GRIK1: variants seen among roughly 807,000 people sequenced by gnomAD.
GRIK1 encodes glutamate ionotropic receptor kainate type subunit 1.
In GRIK1, 69 loss-of-function variants were observed where a neutral mutation model predicts 105.7. The ratio of observed to expected loss-of-function variants is 0.65; its 90% CI spans 0.54 to 0.80. GRIK1 has a LOEUF of 0.80. Ranked by LOEUF, GRIK1 falls within the 30% of genes least tolerant of loss-of-function variation. The pLI, the probability that GRIK1 is intolerant of heterozygous loss-of-function variation, is 0.00. For missense variants in GRIK1, 1,109 were observed against 1,167.3 expected (o/e 0.95, Z 0.73); for synonymous variants, 438 against 431.3 (o/e 1.02, Z -0.19).
At chr21:29,785,500 G>A (rs942382713) in intron 1 of GRIK1, among the ~76,000 whole-genome samples, 3 of 145,082 alleles carry the variant, frequency 2.1e-5, no homozygotes, top group Non-Finnish European at 4.5e-5. Flanking sequence ...GGAGGCAGAG[G>A]TTGCAGTGGG....
chr21:29,648,972 A>G (rs1257509171), intron 6 of GRIK1, among the ~76,000 whole-genome samples: 1 of 152,210 alleles, frequency 6.6e-6, no homozygotes, highest in Non-Finnish European at 1.5e-5. Context: ...GTTTAAATAG[A>G]GGCAACTTGA....
At chr21:29,651,069 G>A (rs773023914) in intron 6 of GRIK1, 49 bp downstream of exon 6, 35 of 1,391,854 alleles carry the variant, frequency 2.5e-5, no homozygotes, top group Middle Eastern at 2.0e-4. Context: ...TCTTAACCCC[G>A]AAGGCATTCA....
At chr21:29,730,413 A>AAAG (rs775570434) in intron 1 of GRIK1, among the ~76,000 whole-genome samples, 7 of 152,204 alleles carry the variant, frequency 4.6e-5, no homozygotes, top group African/African-American at 7.2e-5. Context: ...TTTTTAAACC[A>AAAG]AAGTATTTAT....
intron 1 of GRIK1, among the ~76,000 whole-genome samples, chr21:29,804,100 A>G (rs2066788273): frequency 6.6e-6 from 1 of 152,136 alleles, no homozygotes; most frequent in Non-Finnish European, 1.5e-5. Context: ...CGTTTCAGTT[A>G]TTCCAAAACC....
intron 1 of GRIK1, among the ~76,000 whole-genome samples, chr21:29,851,345 T>A (rs1263613412): frequency 6.6e-6 from 1 of 152,010 alleles, no homozygotes; most frequent in Non-Finnish European, 1.5e-5. Flanking sequence ...ATGAGCCACA[T>A]CCCCCGGCCT....
At chr21:29,694,788 A>G (rs2063662999) in intron 1 of GRIK1, among the ~76,000 whole-genome samples, 1 of 152,192 alleles carries the variant, frequency 6.6e-6, no homozygotes, top group Non-Finnish European at 1.5e-5. Flanking sequence ...AGAAGCCTAC[A>G]TTCCAGACTC....
intron 14 of GRIK1, among the ~76,000 whole-genome samples, chr21:29,565,236 T>C (rs2090585430): frequency 6.6e-6 from 1 of 152,236 alleles, no homozygotes. Context: ...TTTGCTGTTA[T>C]TTAGAGCTCT....
At chr21:29,795,149 C>T (rs1043566924) in intron 1 of GRIK1, among the ~76,000 whole-genome samples, 1 of 148,302 alleles carries the variant, frequency 6.7e-6, no homozygotes, top group Non-Finnish European at 1.5e-5. Context: ...GATTGTCCTG[C>T]CTCAGCCTCC....
chr21:29,796,743 G>T (rs2066569124), intron 1 of GRIK1, among the ~76,000 whole-genome samples: 1 of 152,162 alleles, frequency 6.6e-6, no homozygotes, highest in African/African-American at 2.4e-5. Flanking sequence ...GAGGCCAAAA[G>T]TTCGAGACCA....
intron 1 of GRIK1, among the ~76,000 whole-genome samples, chr21:29,787,038 T>C (rs2066278620): frequency 6.6e-6 from 1 of 152,224 alleles, no homozygotes; most frequent in African/African-American, 2.4e-5. Context: ...TGAATGGATA[T>C]TGCTTCTCTC....
intron 1 of GRIK1, among the ~76,000 whole-genome samples, chr21:29,898,878 A>G (rs2070278955): frequency 1.3e-5 from 2 of 152,140 alleles, no homozygotes; most frequent in African/African-American, 4.8e-5. Flanking sequence ...AGGCTAAGGC[A>G]GGAGAATCGC....
At chr21:29,655,885 C>T (rs1165493164) in intron 4 of GRIK1, among the ~76,000 whole-genome samples, 3 of 152,052 alleles carry the variant, frequency 2.0e-5, no homozygotes, top group Non-Finnish European at 4.4e-5. Flanking sequence ...AGGGGTTCTA[C>T]GTTCATTGAA....
chr21:29,680,238 C>G (rs1349052918), intron 3 of GRIK1, among the ~76,000 whole-genome samples: 3 of 152,156 alleles, frequency 2.0e-5, no homozygotes, highest in Non-Finnish European at 4.4e-5. Context: ...AATGTTTGAG[C>G]AATCATTCAA....
chr21:29,752,062 T>C (rs966176005), intron 1 of GRIK1, among the ~76,000 whole-genome samples: 4 of 152,258 alleles, frequency 2.6e-5, no homozygotes, highest in Non-Finnish European at 5.9e-5. Flanking sequence ...TAATAGTCTC[T>C]AGAGCTAGGG....
chr21:29,558,063 C>T lies in GRIK1; in HGVS notation c.2357-2761G>A, dbSNP rs148101583. On this transcript the variant is annotated intron_variant, in intron 15 of 17. Coordinates refer to ENST00000327783, the MANE Select transcript of GRIK1 (RefSeq NM_001330994.2). ...CAGCCTCCTGGTAAGCTGTTCAAAC[C>T]TTAAATGCTCTTATTCTCTCAGAGT... Among the ~76,000 whole-genome samples the T allele has an allele frequency of 2.6e-4, 40 of 152,200 alleles. No individual in the cohort carries two copies. The East Asian group carries it at 7.7e-3, about 29-fold the overall frequency.
chr21:29,939,324 C>T (rs1387676014), intron 1 of GRIK1, 59 bp downstream of exon 1: 3 of 1,033,586 alleles, frequency 2.9e-6, no homozygotes, highest in Non-Finnish European at 4.4e-6. Context: ...ACCCGCTACA[C>T]CCGCGTTGGT....
chr21:29,852,832 A>T (rs2068351204), intron 1 of GRIK1, among the ~76,000 whole-genome samples: 1 of 152,210 alleles, frequency 6.6e-6, no homozygotes, highest in Non-Finnish European at 1.5e-5. Flanking sequence ...TTGAAATTGC[A>T]GTAGGGATAT....
chr21:29,598,930 C>A lies in GRIK1; in HGVS notation c.1106G>T (p.Trp369Leu). Residue 369 changes from tryptophan (W) to leucine (L), a missense_variant, in exon 8 of 18, where the codon TGG becomes TTG. Transcript: ENST00000327783. ...RFMNLIKEAR[W>L]DGLTGHITFN... ...GGTGATATGCCCAGTCAAGCCATCC[C>A]ACCGGGCCTGTGGACAAGAAGAAAT... 2 of 1,533,016 alleles carry A rather than the reference C, an allele frequency of 1.3e-6. No individual in the cohort carries two copies. The highest frequency in any genetic ancestry group is 2.4e-5 in the South Asian group (2 of 84,820). The allele number at this position is 1,533,016 out of a possible 1,614,324, so 95.0% of individuals were successfully genotyped here.
At chr21:29,676,671 A>T (rs1167702068) in intron 3 of GRIK1, among the ~76,000 whole-genome samples, 6 of 152,300 alleles carry the variant, frequency 3.9e-5, no homozygotes, top group Non-Finnish European at 1.5e-5. Context: ...TGATAACGTG[A>T]ATTTTTTTCT....
Sources: gnomAD v4.1 joint callset for allele counts (sites outside exome capture counted in the v4.1 genomes callset) on GRCh38, gnomAD v4.1.1 for gene constraint, MANE v1.5 for transcripts, NCBI Gene and HGNC (gene_info 2026-07-23, HGNC 2026-07-21) for gene names.